Variants in MAGI2 observed in about 807,000 individuals in gnomAD.
The protein encoded by MAGI2 is membrane-associated guanylate kinase, WW and PDZ domain-containing protein 2.
Under a neutral mutation model 133.3 loss-of-function variants are expected in MAGI2, and 35 were observed. The observed-to-expected ratio is 0.26, with a 90% CI of 0.20 to 0.35. The LOEUF (loss-of-function observed/expected upper bound fraction) is 0.35, where lower values mean the gene tolerates loss of function less well. Among genes scored for constraint, MAGI2 ranks in the 10% least tolerant of loss-of-function variants. MAGI2 has a pLI of 1.00. For synonymous variants in MAGI2, 729 were observed against 710.6 expected (o/e 1.03, Z -0.41); for missense variants, 1,636 against 1,863.4 (o/e 0.88, Z 2.25).
chr7:78,293,594 C>T (rs1205412458), intron 9 of MAGI2, among the ~76,000 whole-genome samples: 4 of 152,158 alleles, frequency 2.6e-5, no homozygotes, highest in Admixed American at 2.0e-4. Flanking sequence ...GGTATATACC[C>T]AAAGGATTAT....
At chr7:78,362,602 A>C (rs1792941238) in intron 7 of MAGI2, among the ~76,000 whole-genome samples, 1 of 152,164 alleles carries the variant, frequency 6.6e-6, no homozygotes, top group Admixed American at 6.5e-5. Context: ...CAAATTATAA[A>C]ATCAGCCTGA....
intron 2 of MAGI2, among the ~76,000 whole-genome samples, chr7:78,837,201 G>A (rs552562618): frequency 3.4e-4 from 52 of 152,156 alleles, no homozygotes; most frequent in African/African-American, 1.2e-3. Context: ...ACCCTCAGCC[G>A]CCCAAGTGCC....
intron 1 of MAGI2, among the ~76,000 whole-genome samples, chr7:79,240,496 C>G (rs1832307067): frequency 6.6e-6 from 1 of 152,050 alleles, no homozygotes; most frequent in Admixed American, 6.6e-5. Context: ...GGAGAGCACA[C>G]TGGCAGAGGC....
chr7:78,207,755 C>A (rs1322916795), intron 10 of MAGI2, among the ~76,000 whole-genome samples: 1 of 152,196 alleles, frequency 6.6e-6, no homozygotes, highest in Non-Finnish European at 1.5e-5. Flanking sequence ...GAGTGGAAGA[C>A]ACACTACTGC....
intron 2 of MAGI2, among the ~76,000 whole-genome samples, chr7:78,975,157 G>A (rs750245103): frequency 1.3e-5 from 2 of 151,686 alleles, no homozygotes; most frequent in Admixed American, 6.6e-5. Context: ...TAGTTGACTC[G>A]AATAGCACCA....
chr7:78,922,163 AT>A (rs11354671), intron 2 of MAGI2, among the ~76,000 whole-genome samples: 65,217 of 141,814 alleles, frequency 0.46, 15,015 homozygotes, highest in African/African-American at 0.57. Context: ...TTTATTTTTT[AT>A]TTTTTTTTTT....
intron 11 of MAGI2, among the ~76,000 whole-genome samples, chr7:78,199,155 G>A (rs543750029): frequency 1.2e-4 from 19 of 152,206 alleles, no homozygotes; most frequent in African/African-American, 3.9e-4. Flanking sequence ...GCTTCTTATT[G>A]GGCCTCTCTT....
intron 9 of MAGI2, among the ~76,000 whole-genome samples, chr7:78,330,203 C>G (rs1055488401): frequency 1.3e-5 from 2 of 152,046 alleles, no homozygotes; most frequent in African/African-American, 2.4e-5. Flanking sequence ...TTTGGTTAAA[C>G]TAGACTAAGA....
At chr7:78,536,333 C>G in intron 3 of MAGI2, among the ~76,000 whole-genome samples, 1 of 151,294 alleles carries the variant, frequency 6.6e-6, no homozygotes, top group Non-Finnish European at 1.5e-5. Context: ...GGGATGGTCT[C>G]GATCTCCTGA....
At chr7:78,958,419 T>A (rs1486100171) in intron 2 of MAGI2, among the ~76,000 whole-genome samples, 1 of 152,094 alleles carries the variant, frequency 6.6e-6, no homozygotes, top group African/African-American at 2.4e-5. Context: ...TTATTATGCT[T>A]CTCCAGAACA....
chr7:78,354,502 A>G (rs570199636), intron 7 of MAGI2, among the ~76,000 whole-genome samples: 1 of 152,298 alleles, frequency 6.6e-6, no homozygotes, highest in East Asian at 1.9e-4. Flanking sequence ...CAGGAGAAGA[A>G]TGCTAGTGAG....
At chr7:78,816,121 T>C (rs1241271135) in intron 2 of MAGI2, among the ~76,000 whole-genome samples, 8 of 152,198 alleles carry the variant, frequency 5.3e-5, no homozygotes, top group Non-Finnish European at 1.2e-4. Context: ...GCCAATATGG[T>C]AAAAGTTTGA....
At chr7:78,594,921 T>C (rs1326616043) in intron 3 of MAGI2, among the ~76,000 whole-genome samples, 1 of 152,210 alleles carries the variant, frequency 6.6e-6, no homozygotes, top group Non-Finnish European at 1.5e-5. Context: ...TCTTCAGGAC[T>C]CAGATCTCAG....
chr7:78,872,930 GAAAACAAGTAC>G (rs1195937062), intron 2 of MAGI2, among the ~76,000 whole-genome samples: 1 of 152,018 alleles, frequency 6.6e-6, no homozygotes, highest in Non-Finnish European at 1.5e-5. Flanking sequence ...GTAACACTGT[GAAAACAAGTAC>G]AAAATTTTAT....
intron 1 of MAGI2, among the ~76,000 whole-genome samples, chr7:79,087,583 C>T (rs1268521422): frequency 2.0e-5 from 3 of 151,644 alleles, no homozygotes; most frequent in Non-Finnish European, 4.4e-5. Flanking sequence ...TTATATGTTA[C>T]TCAAGTGATT....
chr7:78,160,485 A>G (rs1824865952), intron 15 of MAGI2, among the ~76,000 whole-genome samples: 1 of 152,240 alleles, frequency 6.6e-6, no homozygotes, highest in African/African-American at 2.4e-5. Flanking sequence ...CATAGCAAAC[A>G]GAGGTGAAAC....
Position 78,178,034 on chromosome 7 carries a change from C to CGAG in MAGI2, c.2377_2379dup (p.Leu793dup). The CGAG allele has an allele frequency of 1.2e-6, 2 of 1,612,982 alleles. No individual in the cohort carries two copies. The highest frequency in any genetic ancestry group is 1.7e-6 in the Non-Finnish European group (2 of 1,179,096). On this transcript the variant is annotated inframe_insertion, in exon 14 of 22. Transcript: ENST00000354212. ...ACAGGCTGTCCAGGCTCATCTCCCC[C>CGAG]GAGGATTCTGAAGCCAAATCCAGAC...
Position 78,429,322 on chromosome 7 carries a change from G to C in MAGI2, c.1046-60109C>G, listed in dbSNP as rs138275928. Among the ~76,000 whole-genome samples the C allele has an allele frequency of 1.9e-3, 296 of 152,060 alleles. 2 individuals carry two copies. The highest frequency in any genetic ancestry group is 7.0e-3 in the African/African-American group (289 of 41,482). ...ACAGATTTTTCTTTTCTCCTTTTCTGATATACACCTTTAGGCAATTCCAAG... is the reference window on the plus strand; with the variant it reads ...ACAGATTTTTCTTTTCTCCTTTTCTCATATACACCTTTAGGCAATTCCAAG... On this transcript the variant is annotated intron_variant, in intron 6 of 21. Transcript: ENST00000354212.
At chr7:79,115,230 T>C (rs1049615116) in intron 1 of MAGI2, among the ~76,000 whole-genome samples, 5 of 152,136 alleles carry the variant, frequency 3.3e-5, no homozygotes, top group Admixed American at 6.6e-5. Flanking sequence ...CACAGATAGA[T>C]GCTTTGGGAC....
Sources: gnomAD v4.1 joint callset for allele counts (sites outside exome capture counted in the v4.1 genomes callset) on GRCh38, gnomAD v4.1.1 for gene constraint, MANE v1.5 for transcripts, NCBI Gene and HGNC (gene_info 2026-07-23, HGNC 2026-07-21) for gene names.